ZNF724: variants seen among roughly 807,000 people sequenced by gnomAD.
ZNF724 encodes the protein zinc finger protein 724.
A neutral mutation model predicts 29.3 loss-of-function variants in ZNF724; 14 were observed. That is an observed-to-expected ratio of 0.48 (90% CI 0.32 to 0.75). The LOEUF (loss-of-function observed/expected upper bound fraction) is 0.75. Among genes scored for constraint, ZNF724 ranks in the 30% least tolerant of loss-of-function variants. The pLI, the probability that ZNF724 is intolerant of heterozygous loss-of-function variation, is 0.04. For missense variants in ZNF724, 557 were observed against 571.2 expected (o/e 0.98, Z 0.25); for synonymous variants, 180 against 193.6 (o/e 0.93, Z 0.58).
intron 3 of ZNF724, among the ~76,000 whole-genome samples, chr19:23,227,156 A>C (rs1376806831): frequency 3.3e-5 from 5 of 152,124 alleles, no homozygotes; most frequent in Non-Finnish European, 5.9e-5. Flanking sequence ...TAAATAGAAG[A>C]CTCTAATGAG....
At position 23,223,436 on chromosome 19, in the gene ZNF724, G is replaced by A. The variant is rs1971762028; in HGVS notation, c.809C>T (p.Thr270Ile). Reference sequence around the variant, plus strand: ...TCCAGTATGAATTATCTTATGTGTAGTAAGGTGTGAGGATATGTTAAAAGC... The same window carrying A: ...TCCAGTATGAATTATCTTATGTGTAATAAGGTGTGAGGATATGTTAAAAGC... The part of the protein sequence containing the change: ...GKAFNISSHL[T>I]THKIIHTGEN... The change falls in exon 4 of 4, where the codon ACT becomes ATT. Residue 270 changes from threonine to isoleucine, a missense_variant. Physicochemically the swap from Thr to Ile is moderately conservative, Grantham distance 89. This residue lies in a region of ZNF724 where 362 missense variants were observed against 295.5 expected (regional missense o/e 1.22). Coordinates refer to ENST00000418100, the MANE Select transcript of ZNF724 (RefSeq NM_001355404.2). 1 of 768,836 alleles carries A rather than the reference G, an allele frequency of 1.3e-6. No homozygotes were observed. The highest frequency in any genetic ancestry group is 2.5e-5 in the East Asian group (1 of 40,782). The allele number at this position is 768,836 out of a possible 1,614,324, so 47.6% of individuals were successfully genotyped here.
rs756199070 is a variant in ZNF724, at chr19:23,223,888, A to C, written c.357T>G (p.Ser119Arg). The stretch of plus-strand genomic sequence containing the variant: ...CTTTGTGCACCTTGTACTCATCCAC[A>C]CTTTTATAGCCTTTTTTTAACTGTA... Reference protein sequence around the residue: ...HNLQLKKGYKSVDEYKVHKGS... With the variant: ...HNLQLKKGYKRVDEYKVHKGS... Residue 119 changes from serine to arginine, a missense_variant, in exon 4 of 4, where the codon AGT (serine) becomes AGG (arginine). Transcript: ENST00000418100. 2 of 777,688 alleles carry C rather than the reference A, an allele frequency of 2.6e-6. No homozygotes were observed. The highest frequency in any genetic ancestry group is 4.8e-6 in the Non-Finnish European group (2 of 416,958). 48.2% of individuals were successfully genotyped at this position (777,688 alleles called of 1,614,324 possible). A position where few individuals can be genotyped will look rare whatever the true frequency, so the allele number is the denominator to read the frequency against.
At chr19:23,228,718 G>A (rs950419773) in intron 3 of ZNF724, among the ~76,000 whole-genome samples, 2 of 151,998 alleles carry the variant, frequency 1.3e-5, no homozygotes, top group African/African-American at 2.4e-5. Context: ...GGCCAACATC[G>A]TGAAACCCCG....
chr19:23,250,207 T>G, intron 1 of ZNF724, 33 bp downstream of exon 1: 2 of 604,684 alleles, frequency 3.3e-6, no homozygotes, highest in Middle Eastern at 6.0e-4. Context: ...AGCCCCTCCC[T>G]CTCTCTCCGG....
chr19:23,230,262 G>A (rs1463059238), intron 3 of ZNF724, among the ~76,000 whole-genome samples: 1 of 151,588 alleles, frequency 6.6e-6, no homozygotes, highest in South Asian at 2.1e-4. Context: ...TTGTGTGTAT[G>A]GATTGAAAGA....
chr19:23,222,321 C>G lies in ZNF724; in HGVS notation c.*64G>C. 1.4e-6 allele frequency: 1 copy of G among 691,598 alleles called. No homozygotes were observed. The highest frequency in any genetic ancestry group is 2.4e-6 in the Non-Finnish European group (1 of 411,600). The allele number at this position is 691,598 out of a possible 1,614,324, so 42.8% of individuals were successfully genotyped here. ...CTCAATCTCTTGATCTTGTGATCCA[C>G]CCGCCTTGGCCTCCCAAAGTGCTGG... On this transcript the variant is annotated 3_prime_UTR_variant, in exon 4 of 4. Transcript: ENST00000418100.
intron 1 of ZNF724, among the ~76,000 whole-genome samples, chr19:23,238,804 G>A (rs1050925904): frequency 3.3e-5 from 5 of 152,168 alleles, no homozygotes; most frequent in Admixed American, 6.5e-5. Context: ...CTACTCAGGA[G>A]GCTGAGGCAG....
rs759497893 is a variant in ZNF724, at chr19:23,223,022, T to A, written c.1223A>T (p.His408Leu). 1.5e-6 allele frequency: 2 copies of A among 1,325,842 alleles called. No individual in the cohort carries two copies. Among genetic ancestry groups the A allele is most frequent in the Non-Finnish European group, 2.2e-6 (2 of 918,880 alleles). 82.1% of individuals were successfully genotyped at this position (1,325,842 alleles called of 1,614,324 possible). Residue 408 changes from histidine (H) to leucine (L), a missense_variant, in exon 4 of 4, where the codon CAC (histidine) becomes CTC (leucine). His to Leu is a moderately conservative substitution (Grantham distance 99, BLOSUM62 -3). Coordinates refer to ENST00000418100, the MANE Select transcript of ZNF724 (RefSeq NM_001355404.2). ...ECGKAFNTSS[H>L]LTTHKRIHTG... Reference sequence around the variant, plus strand: ...ATGAATTCTTTTATGTGTGGTGAGGTGTGAGGATGTGTTAAAGGCTTTGCC... The same window carrying A: ...ATGAATTCTTTTATGTGTGGTGAGGAGTGAGGATGTGTTAAAGGCTTTGCC...
At chr19:23,227,425 G>T (rs1971852705) in intron 3 of ZNF724, among the ~76,000 whole-genome samples, 1 of 151,538 alleles carries the variant, frequency 6.6e-6, no homozygotes, top group Non-Finnish European at 1.5e-5. Context: ...GCGTGGTGGT[G>T]CATGTCTGTA....
chr19:23,226,925 T>G (rs1281448550), intron 3 of ZNF724, among the ~76,000 whole-genome samples: 1 of 152,170 alleles, frequency 6.6e-6, no homozygotes, highest in East Asian at 1.9e-4. Context: ...AGATTCATTT[T>G]AAGAAACCAA....
chr19:23,235,772 T>G (rs143889558), intron 1 of ZNF724, among the ~76,000 whole-genome samples: 71 of 152,314 alleles, frequency 4.7e-4, no homozygotes, highest in Non-Finnish European at 6.0e-4. Flanking sequence ...TCATATCACC[T>G]CTAGTAATTC....
chr19:23,243,475 CAAAAAAAAA>C (rs61241201), intron 1 of ZNF724, among the ~76,000 whole-genome samples: 46 of 31,208 alleles, frequency 1.5e-3, no homozygotes, highest in African/African-American at 6.0e-3. Context: ...GAGTCCATCT[CAAAAAAAAA>C]AAAAAAAAAA....
intron 3 of ZNF724, among the ~76,000 whole-genome samples, chr19:23,226,841 C>T (rs922192458): frequency 6.6e-6 from 1 of 151,816 alleles, no homozygotes; most frequent in African/African-American, 2.4e-5. Flanking sequence ...TAATTAAGCC[C>T]TATGTTGACT....
At chr19:23,239,040 G>C (rs1237078283) in intron 1 of ZNF724, among the ~76,000 whole-genome samples, 1 of 152,160 alleles carries the variant, frequency 6.6e-6, no homozygotes, top group East Asian at 1.9e-4. Flanking sequence ...AGAGAAAGGT[G>C]TTCTAAAAAA....
At chr19:23,231,241 A>T in intron 3 of ZNF724, 25 bp downstream of exon 3, 1 of 1,274,692 alleles carries the variant, frequency 7.8e-7, no homozygotes, top group Non-Finnish European at 1.1e-6. Context: ...CATCTGTGTC[A>T]TCTGTCATAT....
rs1415860881 is a variant in ZNF724 at position 23,223,696 on chromosome 19, T to A, written c.549A>T (p.Ser183=). The A allele has an allele frequency of 1.7e-5, 12 of 717,496 alleles. No homozygotes were observed. Among genetic ancestry groups the A allele is most frequent in the Middle Eastern group, 2.3e-4 (1 of 4,374 alleles). The allele number at this position is 717,496 out of a possible 1,614,324, so 44.4% of individuals were successfully genotyped here. ...GAATTCTTTTATGTTGAGTTAGGTG[T>A]GAAAGAACACAAAATGACTTGCCAC... ...KECGKSFCVL[S]HLTQHKRIHT... Residue 183 remains serine (S), a synonymous_variant, in exon 4 of 4, where the codon TCA becomes TCT. Coordinates refer to ENST00000418100, the MANE Select transcript of ZNF724 (RefSeq NM_001355404.2).
At chr19:23,232,548 T>C (rs1219361567) in intron 1 of ZNF724, among the ~76,000 whole-genome samples, 1 of 152,200 alleles carries the variant, frequency 6.6e-6, no homozygotes, top group Non-Finnish European at 1.5e-5. Context: ...ATTAAGGACA[T>C]GAACACAGGC....
At chr19:23,232,001 T>C (rs907370781) in intron 2 of ZNF724, among the ~76,000 whole-genome samples, 166 bp downstream of exon 2, 2 of 152,128 alleles carry the variant, frequency 1.3e-5, no homozygotes, top group Non-Finnish European at 2.9e-5. Flanking sequence ...CCACCCAAAG[T>C]GCTAGGATTA....
chr19:23,232,908 G>A (rs933303024), intron 1 of ZNF724, among the ~76,000 whole-genome samples: 11 of 151,948 alleles, frequency 7.2e-5, no homozygotes, highest in Admixed American at 5.9e-4. Flanking sequence ...AGAAAGAAGA[G>A]CAGCTGTCAG....
Sources: allele counts gnomAD v4.1 joint callset (sites outside exome capture counted in the v4.1 genomes callset), GRCh38; gene constraint gnomAD v4.1.1; regional missense constraint gnomAD v4.1.1; transcripts MANE v1.5; gene names NCBI Gene and HGNC (gene_info 2026-07-23, HGNC 2026-07-21).